RNF130: variants seen among roughly 807,000 people sequenced by gnomAD.
RNF130 encodes the protein E3 ubiquitin-protein ligase RNF130.
A neutral mutation model predicts 44.6 loss-of-function variants in RNF130; 21 were observed. That is an observed-to-expected ratio of 0.47 (90% confidence interval 0.33 to 0.68). RNF130 has a LOEUF of 0.68. Among genes scored for constraint, RNF130 ranks in the 30% least tolerant of loss-of-function variants. The pLI, the probability that RNF130 is intolerant of heterozygous loss-of-function variation, is 0.02. For missense variants in RNF130, 479 were observed against 560.6 expected (o/e 0.85, Z 1.47); for synonymous variants, 214 against 210.4 (o/e 1.02, Z -0.15).
At chr5:179,999,338 G>A (rs1763279957) in intron 3 of RNF130, among the ~76,000 whole-genome samples, 1 of 151,842 alleles carries the variant, frequency 6.6e-6, no homozygotes, top group Non-Finnish European at 1.5e-5. Flanking sequence ...TCTGATACAA[G>A]TACAGCCACT....
intron 2 of RNF130, among the ~76,000 whole-genome samples, chr5:180,030,284 A>C (rs555992312): frequency 1.3e-5 from 2 of 152,368 alleles, no homozygotes; most frequent in Admixed American, 1.3e-4. Context: ...ACTTGAGGAC[A>C]TACAACTGAA....
chr5:180,035,441 T>C (rs965620879), intron 2 of RNF130, among the ~76,000 whole-genome samples: 4 of 152,248 alleles, frequency 2.6e-5, no homozygotes, highest in African/African-American at 7.2e-5. Flanking sequence ...TCCGAGAGAA[T>C]GCTCCATGTG....
At chr5:179,918,262 CA>C (rs1321220380) in exon 8 of RNF130, 2 of 152,126 alleles carry the variant, frequency 1.3e-5, no homozygotes, top group Non-Finnish European at 2.9e-5. Context: ...CCCAGAAATT[CA>C]AATGTTATAT....
chr5:179,969,259 A>ACAGCTGGACTCTGG (rs1383767003), intron 6 of RNF130, among the ~76,000 whole-genome samples: 6 of 152,132 alleles, frequency 3.9e-5, no homozygotes, highest in African/African-American at 1.2e-4. Context: ...GGCACCTGCC[A>ACAGCTGGACTCTGG]CAGCTGGACT....
intron 2 of RNF130, among the ~76,000 whole-genome samples, chr5:180,018,294 C>CAAA (rs59354197): frequency 7.9e-6 from 1 of 127,084 alleles, no homozygotes; most frequent in South Asian, 2.6e-4. Flanking sequence ...GACTCCATCT[C>CAAA]AAAAAAAAAA....
intron 3 of RNF130, among the ~76,000 whole-genome samples, chr5:180,007,498 T>C (rs1763487465): frequency 6.6e-6 from 1 of 152,316 alleles, no homozygotes; most frequent in African/African-American, 2.4e-5. Context: ...TCTTTTAAAA[T>C]AGCCAAAGGT....
In RNF130 at chr5:180,071,664, G is replaced by T. The variant is rs1340087655; in HGVS notation, c.39C>A (p.Ala13=). Residue 13 remains alanine (A), a synonymous_variant, in exon 1 of 9, where the codon GCC becomes GCA. Coordinates refer to ENST00000521389, the MANE Select transcript of RNF130 (RefSeq NM_018434.6). ...CAGRAGPARL[A]ALALLTCSLW... ...GGCTGCAGGTCAGCAGGGCGAGCGC[G>T]GCGAGCCGGGCAGGGCCCGCCCGCC... 1 of 1,430,464 alleles carries T rather than the reference G, an allele frequency of 7.0e-7. No individual in the cohort carries two copies. Among genetic ancestry groups the T allele is most frequent in the Non-Finnish European group, 9.2e-7 (1 of 1,088,970 alleles). 88.6% of individuals were successfully genotyped at this position (1,430,464 alleles called of 1,614,324 possible).
chr5:180,044,005 AAACAACGGTTCTAT>A (rs1307320430), intron 1 of RNF130, among the ~76,000 whole-genome samples: 2 of 152,224 alleles, frequency 1.3e-5, no homozygotes, highest in Non-Finnish European at 2.9e-5. Context: ...TAAATAATGA[AAACAACGGTTCTAT>A]AACAACTTTT....
chr5:179,947,314 C>A (rs1269397517), intron 7 of RNF130, among the ~76,000 whole-genome samples: 1 of 152,192 alleles, frequency 6.6e-6, no homozygotes, highest in Non-Finnish European at 1.5e-5. Context: ...AAAGTCCGTG[C>A]CCTGTAACAT....
intron 2 of RNF130, among the ~76,000 whole-genome samples, chr5:180,034,189 T>C (rs924333806): frequency 2.0e-4 from 30 of 151,622 alleles, no homozygotes; most frequent in African/African-American, 6.1e-4. Flanking sequence ...ATTTATTCTA[T>C]TGATTTTCAG....
chr5:180,051,544 C>T (rs1764688666), intron 1 of RNF130, among the ~76,000 whole-genome samples: 1 of 152,076 alleles, frequency 6.6e-6, no homozygotes, highest in Admixed American at 6.6e-5. Context: ...GGCCTTTGTA[C>T]AGAATTTTTA....
intron 7 of RNF130, 49 bp from the exon 8 acceptor site, chr5:179,963,613 T>C: frequency 7.7e-7 from 1 of 1,295,504 alleles, no homozygotes; most frequent in Non-Finnish European, 1.1e-6. Flanking sequence ...AAGGTTTAAG[T>C]CAAATCGATG....
At chr5:180,028,708 T>C (rs532045110) in intron 2 of RNF130, among the ~76,000 whole-genome samples, 1 of 152,290 alleles carries the variant, frequency 6.6e-6, no homozygotes, top group East Asian at 1.9e-4. Context: ...TACATCCTTC[T>C]ACAAATCCCT....
intron 1 of RNF130, among the ~76,000 whole-genome samples, chr5:180,049,659 C>T (rs1764644570): frequency 6.6e-6 from 1 of 152,178 alleles, no homozygotes; most frequent in African/African-American, 2.4e-5. Flanking sequence ...GCACTTAACA[C>T]TATTCTGAGA....
At chr5:179,997,845 T>C (rs1041974818) in intron 3 of RNF130, among the ~76,000 whole-genome samples, 1 of 152,032 alleles carries the variant, frequency 6.6e-6, no homozygotes, top group East Asian at 1.9e-4. Flanking sequence ...GTTTGCTTTG[T>C]TTTCACTTGT....
chr5:179,966,691 T>C, intron 7 of RNF130, 115 bp downstream of exon 7: 1 of 831,424 alleles, frequency 1.2e-6, no homozygotes, highest in Non-Finnish European at 1.9e-6. Context: ...ACACATCACT[T>C]TCTTGGTTAC....
chr5:179,929,461 G>C (rs248229), intron 7 of RNF130, among the ~76,000 whole-genome samples: 61,960 of 151,970 alleles, frequency 0.41, 13,488 homozygotes, highest in East Asian at 0.76. Flanking sequence ...TAAATTCTAG[G>C]ATCAGGCTGG....
exon 8 of RNF130, chr5:179,915,869 C>G (rs1397689724): frequency 6.6e-6 from 1 of 152,574 alleles, no homozygotes; most frequent in African/African-American, 2.4e-5. Flanking sequence ...CTGGAAGTCC[C>G]TCCTCATCCA....
intron 2 of RNF130, among the ~76,000 whole-genome samples, chr5:180,020,149 G>A (rs1763839115): frequency 6.6e-6 from 1 of 152,184 alleles, no homozygotes. Context: ...GAGATGATGA[G>A]GCCCAGGGAG....
Sources: gnomAD v4.1 joint callset for allele counts (sites outside exome capture counted in the v4.1 genomes callset) on GRCh38, gnomAD v4.1.1 for gene constraint, MANE v1.5 for transcripts, NCBI Gene and HGNC (gene_info 2026-07-23, HGNC 2026-07-21) for gene names.